DHX57: variants seen among roughly 807,000 people sequenced by gnomAD.
DHX57 encodes DExH-box helicase 57.
DHX57 carries 105 observed loss-of-function variants against 156.2 expected under a neutral mutation model. The observed-to-expected ratio is 0.67, with a 90% CI of 0.57 to 0.79. The LOEUF is 0.79. Among genes scored for constraint, DHX57 ranks in the 30% least tolerant of loss-of-function variants. The probability of loss-of-function intolerance (pLI) is 0.00; values close to 1 mark genes in which losing one functional copy is unlikely to be tolerated. For missense variants in DHX57, 1,847 were observed against 1,661.9 expected (o/e 1.11, Z -1.94); for synonymous variants, 704 against 595.6 (o/e 1.18, Z -2.65).
chr2:38,832,160 G>T (rs563771810), intron 13 of DHX57, among the ~76,000 whole-genome samples: 1 of 152,272 alleles, frequency 6.6e-6, no homozygotes, highest in East Asian at 1.9e-4. Flanking sequence ...CACACAGCGG[G>T]CCGGGTGCAG....
chr2:38,872,862 C>G (rs1665414983), intron 1 of DHX57, among the ~76,000 whole-genome samples: 1 of 152,160 alleles, frequency 6.6e-6, no homozygotes, highest in Admixed American at 6.6e-5. Flanking sequence ...GAACAACACT[C>G]TAACCAACTA....
At chr2:38,818,388 A>AT (rs1368900264) in intron 19 of DHX57, among the ~76,000 whole-genome samples, 1 of 152,108 alleles carries the variant, frequency 6.6e-6, no homozygotes, top group African/African-American at 2.4e-5. Context: ...TTAGCTGAGC[A>AT]TGGTGGCATG....
chr2:38,843,530 T>C (rs1322584587), intron 11 of DHX57, among the ~76,000 whole-genome samples: 1 of 152,242 alleles, frequency 6.6e-6, no homozygotes, highest in Admixed American at 6.5e-5. Flanking sequence ...TCTTCAGCAA[T>C]CTTATTGATC....
chr2:38,816,051 C>G (rs952265592), intron 19 of DHX57: 2 of 462,056 alleles, frequency 4.3e-6, no homozygotes, highest in Admixed American at 5.0e-5. Context: ...TACTACCTAG[C>G]TTTTCCTACT....
chr2:38,870,703 C>T (rs899532023), intron 1 of DHX57, among the ~76,000 whole-genome samples: 2 of 151,994 alleles, frequency 1.3e-5, no homozygotes, highest in African/African-American at 4.8e-5. Context: ...CACAGTGAAA[C>T]CCTGTCTCTA....
At chr2:38,816,131 A>G (rs1232249153) in intron 19 of DHX57, 3 of 471,280 alleles carry the variant, frequency 6.4e-6, no homozygotes, top group Non-Finnish European at 1.3e-5. Context: ...AGTGGAACTC[A>G]GCAGAATGTT....
intron 2 of DHX57, among the ~76,000 whole-genome samples, chr2:38,864,545 C>A (rs886440290): frequency 6.6e-6 from 1 of 152,086 alleles, no homozygotes; most frequent in Non-Finnish European, 1.5e-5. Context: ...TATTTGTAAA[C>A]TATATGCCAA....
chr2:38,808,587 G>A (rs537409605), intron 21 of DHX57, among the ~76,000 whole-genome samples: 1 of 152,126 alleles, frequency 6.6e-6, no homozygotes, highest in South Asian at 2.1e-4. Flanking sequence ...GTGCTGAAAT[G>A]AATATTCTCC....
intron 17 of DHX57, among the ~76,000 whole-genome samples, chr2:38,819,745 G>T (rs990816785): frequency 6.6e-6 from 1 of 152,114 alleles, no homozygotes; most frequent in African/African-American, 2.4e-5. Context: ...CTAACATTCT[G>T]TTATCTGGGT....
At chr2:38,862,462 T>C in intron 3 of DHX57, 129 bp from the exon 4 acceptor site, 1 of 880,310 alleles carries the variant, frequency 1.1e-6, no homozygotes, top group Non-Finnish European at 1.6e-6. Context: ...TAATCTTATA[T>C]TGAACTATTA....
chr2:38,833,413 G>A (rs886492108), intron 13 of DHX57, among the ~76,000 whole-genome samples: 2 of 152,132 alleles, frequency 1.3e-5, no homozygotes, highest in Non-Finnish European at 2.9e-5. Context: ...AAAGTGCTGG[G>A]ACTACAGGTG....
At chr2:38,871,998 G>A (rs544508191) in intron 1 of DHX57, among the ~76,000 whole-genome samples, 19 of 152,198 alleles carry the variant, frequency 1.2e-4, no homozygotes, top group East Asian at 7.7e-4. Context: ...GTGAGCCACC[G>A]CGCCCGGCCT....
chr2:38,862,084 T>G lies in DHX57; in HGVS notation c.572+61A>C, dbSNP rs1264438634. On this transcript the variant is annotated intron_variant, in intron 4 of 23. Transcript: ENST00000457308. Reference sequence around the variant, plus strand: ...AAGTACACAAAGAGGGGTAGTGGGTTTATATGATTTCGGTTTCCTTGAATT... The same window carrying G: ...AAGTACACAAAGAGGGGTAGTGGGTGTATATGATTTCGGTTTCCTTGAATT... 3 of 1,517,908 alleles carry G rather than the reference T, an allele frequency of 2.0e-6. No homozygotes were observed. The African/African-American group carries it at 4.1e-5, about 21-fold the overall frequency. The allele number at this position is 1,517,908 out of a possible 1,614,324, so 94.0% of individuals were successfully genotyped here.
chr2:38,799,086 G>A (rs547553438), intron 23 of DHX57, among the ~76,000 whole-genome samples: 2 of 150,298 alleles, frequency 1.3e-5, no homozygotes, highest in Non-Finnish European at 3.0e-5. Context: ...AGAGAGGGCC[G>A]GGCCCGGTGG....
chr2:38,808,759 T>A (rs940409756), intron 21 of DHX57, among the ~76,000 whole-genome samples: 14 of 152,200 alleles, frequency 9.2e-5, no homozygotes, highest in Admixed American at 9.2e-4. Context: ...ATTTATTTAT[T>A]TGCATTATTA....
intron 22 of DHX57, 44 bp downstream of exon 22, chr2:38,806,515 C>T (rs1044779221): frequency 6.3e-7 from 1 of 1,599,422 alleles, no homozygotes; most frequent in African/African-American, 1.3e-5. Context: ...CATTTCCTAC[C>T]CCAGGACGAC....
In DHX57 at chr2:38,875,863, C is replaced by T. The variant is rs1665591441; in HGVS notation, c.-83G>A. The T allele has an allele frequency of 7.6e-6, 3 of 394,544 alleles. No individual in the cohort carries two copies. The highest frequency in any genetic ancestry group is 2.9e-4 in the South Asian group (2 of 6,986). 24.4% of individuals were successfully genotyped at this position (394,544 alleles called of 1,614,324 possible). A position where few individuals can be genotyped will look rare whatever the true frequency, so the allele number is the denominator to read the frequency against. ...GGTCAGAGGTCCAAACTGGACTTGG[C>T]CACCCTCACGATTCTCACTTGGAGC... On this transcript the variant is annotated 5_prime_UTR_variant, in exon 1 of 24. Transcript: ENST00000457308.
intron 4 of DHX57, 22 bp downstream of exon 4, chr2:38,862,123 C>A: frequency 6.4e-7 from 1 of 1,569,644 alleles, no homozygotes; most frequent in East Asian, 2.3e-5. Flanking sequence ...TCCCAACTCC[C>A]ATAAATGATC....
chr2:38,811,519 C>G, intron 21 of DHX57: 1 of 971,346 alleles, frequency 1.0e-6, no homozygotes, highest in South Asian at 1.3e-5. Flanking sequence ...TTCCTGGCTT[C>G]CTTGAAGTCT....
Sources: gnomAD v4.1 joint callset for allele counts (sites outside exome capture counted in the v4.1 genomes callset) on GRCh38, gnomAD v4.1.1 for gene constraint, MANE v1.5 for transcripts, NCBI Gene and HGNC (gene_info 2026-07-23, HGNC 2026-07-21) for gene names.